The following CNTNAP5 variants were observed in gnomAD, a reference collection of about 807,000 sequenced individuals.
CNTNAP5 encodes the protein contactin-associated protein-like 5.
CNTNAP5 carries 72 observed loss-of-function variants against 150.2 expected under a neutral mutation model. The ratio of observed to expected loss-of-function variants is 0.48; its 90% CI spans 0.40 to 0.58. CNTNAP5 has a LOEUF of 0.58. Ranked by LOEUF, CNTNAP5 falls within the 20% of genes least tolerant of loss-of-function variation. The pLI, the probability that CNTNAP5 is intolerant of heterozygous loss-of-function variation, is 0.00. For synonymous variants in CNTNAP5, 672 were observed against 619.8 expected (o/e 1.08, Z -1.25); for missense variants, 1,636 against 1,626.2 (o/e 1.01, Z -0.10).
At chr2:124,860,438 TC>T (rs1273097083) in intron 19 of CNTNAP5, among the ~76,000 whole-genome samples, 3 of 132,288 alleles carry the variant, frequency 2.3e-5, no homozygotes, top group African/African-American at 3.7e-5. Context: ...CTTCCTTCCT[TC>T]CTTCCTTCCT....
chr2:124,418,596 A>T (rs1691991471), intron 4 of CNTNAP5, among the ~76,000 whole-genome samples: 2 of 152,226 alleles, frequency 1.3e-5, no homozygotes, highest in East Asian at 1.9e-4. Context: ...CCCTGCACAC[A>T]GGGAATTTAC....
intron 19 of CNTNAP5, among the ~76,000 whole-genome samples, chr2:124,849,871 A>G (rs1683120585): frequency 6.6e-6 from 1 of 152,128 alleles, no homozygotes; most frequent in Non-Finnish European, 1.5e-5. Context: ...TATTTAAATA[A>G]TTTTCATTAA....
chr2:124,378,380 G>A (rs981228386), intron 3 of CNTNAP5, among the ~76,000 whole-genome samples: 2 of 151,934 alleles, frequency 1.3e-5, no homozygotes, highest in Non-Finnish European at 2.9e-5. Flanking sequence ...AACTCCCACT[G>A]GTAGGATTAT....
chr2:124,276,295 G>C (rs1558830660), intron 3 of CNTNAP5, among the ~76,000 whole-genome samples: 1 of 152,138 alleles, frequency 6.6e-6, no homozygotes, highest in African/African-American at 2.4e-5. Flanking sequence ...GGGCATATCA[G>C]GCACACTTCA....
chr2:124,244,959 T>C (rs1173786773), intron 3 of CNTNAP5, among the ~76,000 whole-genome samples: 1 of 152,198 alleles, frequency 6.6e-6, no homozygotes, highest in East Asian at 1.9e-4. Context: ...ATTTCACAAC[T>C]AAGATTTATT....
intron 21 of CNTNAP5, among the ~76,000 whole-genome samples, chr2:124,898,454 G>A (rs139542293): frequency 2.0e-5 from 3 of 151,564 alleles, no homozygotes; most frequent in African/African-American, 7.3e-5. Flanking sequence ...TTGCGAATGT[G>A]TAAAGTGTTG....
intron 1 of CNTNAP5, among the ~76,000 whole-genome samples, chr2:124,118,023 A>C (rs914912299): frequency 2.0e-5 from 3 of 152,154 alleles, no homozygotes; most frequent in Non-Finnish European, 2.9e-5. Context: ...ATTTAAAAAA[A>C]TTTTCAGGGA....
At chr2:124,346,731 T>A (rs899771465) in intron 3 of CNTNAP5, among the ~76,000 whole-genome samples, 3 of 151,942 alleles carry the variant, frequency 2.0e-5, no homozygotes, top group African/African-American at 4.8e-5. Flanking sequence ...GATTACCGAT[T>A]TTACTACTCA....
intron 6 of CNTNAP5, among the ~76,000 whole-genome samples, chr2:124,466,073 T>TTCA (rs1693371481): frequency 6.6e-6 from 1 of 152,160 alleles, no homozygotes; most frequent in African/African-American, 2.4e-5. Context: ...TTTTCATGCT[T>TTCA]CCACCACCTC....
Position 124,504,454 on chromosome 2 carries a change from G to A in CNTNAP5, c.1225G>A (p.Glu409Lys), listed in dbSNP as rs1181592051. The A allele has an allele frequency of 6.2e-7, 1 of 1,613,714 alleles. No homozygotes were observed. Among genetic ancestry groups the A allele is most frequent in the Non-Finnish European group, 8.5e-7 (1 of 1,179,816 alleles). Residue 409 changes from glutamate (E) to lysine (K), a missense_variant, in exon 8 of 24, where the codon GAG becomes AAG. Transcript: ENST00000682447. ...WNKDGLLLSTELSEGSGTLLL... is the reference protein window; with the variant it reads ...WNKDGLLLSTKLSEGSGTLLL... ...CAAGGATGGTCTGCTTCTGTCCACA[G>A]AGCTGTCTGAGGGCTCGGGAACCCT... is the stretch of plus-strand genomic sequence containing the variant.
intron 13 of CNTNAP5, among the ~76,000 whole-genome samples, chr2:124,663,978 CT>C (rs555597018): frequency 4.0e-4 from 61 of 152,234 alleles, no homozygotes; most frequent in African/African-American, 1.4e-3. Context: ...TCAAGTGGAA[CT>C]TTTCTAACTC....
intron 8 of CNTNAP5, among the ~76,000 whole-genome samples, chr2:124,514,643 A>G (rs1558935334): frequency 6.6e-6 from 1 of 152,196 alleles, no homozygotes; most frequent in Non-Finnish European, 1.5e-5. Context: ...TGCCTGGGAC[A>G]CTGGGGAAGC....
At chr2:124,251,440 G>A (rs1212806874) in intron 3 of CNTNAP5, among the ~76,000 whole-genome samples, 1 of 147,708 alleles carries the variant, frequency 6.8e-6, no homozygotes, top group Non-Finnish European at 1.5e-5. Context: ...TTGGGCTGGA[G>A]TTATTTCAAC....
intron 5 of CNTNAP5, among the ~76,000 whole-genome samples, chr2:124,442,935 C>T (rs1469464897): frequency 6.6e-6 from 1 of 152,058 alleles, no homozygotes; most frequent in Non-Finnish European, 1.5e-5. Context: ...AATTTTAAAG[C>T]TAGACCGTAT....
At chr2:124,463,213 T>G (rs1693294528) in intron 6 of CNTNAP5, among the ~76,000 whole-genome samples, 1 of 152,208 alleles carries the variant, frequency 6.6e-6, no homozygotes, top group Non-Finnish European at 1.5e-5. Flanking sequence ...TACTAAAATG[T>G]ACATAATTTA....
intron 19 of CNTNAP5, among the ~76,000 whole-genome samples, chr2:124,847,053 C>T (rs79598594): frequency 0.039 from 5,961 of 152,240 alleles, 225 homozygotes; most frequent in Non-Finnish European, 0.056. Flanking sequence ...TGGTTGGCCT[C>T]CAGCCAGGAG....
intron 13 of CNTNAP5, among the ~76,000 whole-genome samples, chr2:124,658,589 A>T (rs957886925): frequency 1.4e-4 from 21 of 152,104 alleles, no homozygotes; most frequent in Non-Finnish European, 1.3e-4. Context: ...ACCTTCATAC[A>T]CCTACTCTCC....
At chr2:124,672,861 A>G (rs1329632799) in intron 13 of CNTNAP5, among the ~76,000 whole-genome samples, 1 of 152,196 alleles carries the variant, frequency 6.6e-6, no homozygotes, top group Non-Finnish European at 1.5e-5. Context: ...TAAAAATGTA[A>G]TAATTAAAAC....
At chr2:124,776,295 C>A (rs1421610991) in intron 17 of CNTNAP5, among the ~76,000 whole-genome samples, 1 of 144,556 alleles carries the variant, frequency 6.9e-6, no homozygotes, top group Non-Finnish European at 1.5e-5. Flanking sequence ...TTTTTTTTTT[C>A]TTGGCCCAAC....
Sources: gnomAD v4.1 joint callset for allele counts (sites outside exome capture counted in the v4.1 genomes callset) on GRCh38, gnomAD v4.1.1 for gene constraint, MANE v1.5 for transcripts, NCBI Gene and HGNC (gene_info 2026-07-23, HGNC 2026-07-21) for gene names.